The following DIP2C variants were observed in gnomAD, a reference collection of about 807,000 sequenced individuals.
The protein encoded by DIP2C is DIP2 acetate--CoA ligase C (putative).
In DIP2C, 33 loss-of-function variants were observed where a neutral mutation model predicts 192.4. The observed-to-expected ratio is 0.17, with a 90% CI of 0.13 to 0.23. The LOEUF (loss-of-function observed/expected upper bound fraction) is 0.23, where lower values mean the gene tolerates loss of function less well. Among genes scored for constraint, DIP2C ranks in the 10% least tolerant of loss-of-function variants. DIP2C has a pLI of 1.00. For missense variants in DIP2C, 1,537 were observed against 2,110.1 expected (o/e 0.73, Z 5.32); for synonymous variants, 979 against 864.1 (o/e 1.13, Z -2.33).
chr10:449,782 TAAAAA>T (rs59436219), intron 3 of DIP2C, among the ~76,000 whole-genome samples: 3 of 127,236 alleles, frequency 2.4e-5, no homozygotes, highest in African/African-American at 5.7e-5. Flanking sequence ...AAAGTATAAT[TAAAAA>T]AAAAAAAAAA....
At chr10:502,356 C>CT (rs1378072725) in intron 1 of DIP2C, among the ~76,000 whole-genome samples, 1 of 152,128 alleles carries the variant, frequency 6.6e-6, no homozygotes, top group African/African-American at 2.4e-5. Context: ...AAGGAAAATA[C>CT]TTTTCAAGTG....
rs1006692335 is a variant in DIP2C at position 415,866 on chromosome 10, C to T, written c.762G>A (p.Val254=). Residue 254 remains valine (V), a synonymous_variant, in exon 7 of 37, where the codon GTG becomes GTA. Coordinates refer to ENST00000280886, the MANE Select transcript of DIP2C (RefSeq NM_014974.3). ...TGACAAGCTGCTGGATTTTTGCTGA[C>T]ACCCGGCTACTTACTGGTACTCCTG... ...TGDGVPVSSR[V]SAKIQQLVNT... is the part of the protein sequence containing the mutation. The T allele has an allele frequency of 4.3e-6, 7 of 1,613,676 alleles. No individual in the cohort carries two copies. The highest frequency in any genetic ancestry group is 5.9e-6 in the Non-Finnish European group (7 of 1,179,982).
chr10:608,815 T>G (rs566347059), intron 1 of DIP2C, among the ~76,000 whole-genome samples: 1 of 149,006 alleles, frequency 6.7e-6, no homozygotes, highest in African/African-American at 2.5e-5. Context: ...TCCAACCCAT[T>G]GCTTAGTCTT....
At chr10:464,171 T>TG (rs766467354) in intron 3 of DIP2C, among the ~76,000 whole-genome samples, 3 of 152,172 alleles carry the variant, frequency 2.0e-5, no homozygotes, top group Non-Finnish European at 2.9e-5. Flanking sequence ...AAAGTGCTTC[T>TG]GCACAGCAAA....
At chr10:556,465 G>A (rs2130971934) in intron 1 of DIP2C, among the ~76,000 whole-genome samples, 1 of 147,948 alleles carries the variant, frequency 6.8e-6, no homozygotes, top group East Asian at 2.1e-4. Flanking sequence ...CCAAGAGGGG[G>A]ATCCACACGC....
At chr10:404,721 C>T (rs1204540015) in intron 9 of DIP2C, among the ~76,000 whole-genome samples, 3 of 152,162 alleles carry the variant, frequency 2.0e-5, no homozygotes, top group Non-Finnish European at 4.4e-5. Flanking sequence ...GTTGTAGATT[C>T]TATGAATATA....
At chr10:541,493 A>C (rs1307307898) in intron 1 of DIP2C, among the ~76,000 whole-genome samples, 1 of 96,240 alleles carries the variant, frequency 1.0e-5, no homozygotes, top group Admixed American at 1.5e-4. Context: ...TCTCTCCTGG[A>C]TCCCACAGCA....
chr10:389,788 T>C (rs1340154555), intron 13 of DIP2C, among the ~76,000 whole-genome samples: 2 of 152,246 alleles, frequency 1.3e-5, no homozygotes, highest in Non-Finnish European at 2.9e-5. Context: ...CGGACATAAA[T>C]GTCTGCTGTT....
At chr10:446,567 GT>G (rs1037037376) in intron 3 of DIP2C, among the ~76,000 whole-genome samples, 1 of 152,208 alleles carries the variant, frequency 6.6e-6, no homozygotes, top group African/African-American at 2.4e-5. Flanking sequence ...GTGCCTTTTA[GT>G]TCTCCTGACT....
chr10:420,842 AGCAGCCTCT>A (rs1966134741), intron 5 of DIP2C, among the ~76,000 whole-genome samples: 1 of 152,298 alleles, frequency 6.6e-6, no homozygotes, highest in East Asian at 1.9e-4. Flanking sequence ...CTCGGACACA[AGCAGCCTCT>A]GCAGCCTCCA....
chr10:666,469 C>G lies in DIP2C; in HGVS notation c.85+23025G>C, dbSNP rs1457595369. The G allele has an allele frequency of 6.6e-6, 1 of 152,458 alleles. No homozygotes were observed. The highest frequency in any genetic ancestry group is 2.4e-5 in the African/African-American group (1 of 41,446). The allele number at this position is 152,458 out of a possible 1,614,324, so 9.4% of individuals were successfully genotyped here. ...GCCCGGCCCGCGGCAGCAGAATCAC[C>G]CAAGACTGAGATCCTGTGGCCTGAG... On this transcript the variant is annotated intron_variant, in intron 1 of 36. Coordinates refer to ENST00000280886, the MANE Select transcript of DIP2C (RefSeq NM_014974.3). This position sits in a 1 kb window ranked among gnomAD's most constrained non-coding sequence, Gnocchi z 4.1.
Position 419,095 on chromosome 10 carries a change from C to G in DIP2C, c.709G>C (p.Gly237Arg). Residue 237 changes from glycine (G) to arginine (R), a missense_variant, in exon 6 of 37, where the codon GGC becomes CGC. This residue lies in a region of DIP2C where 473 missense variants were observed against 539.6 expected (regional missense o/e 0.88). Coordinates refer to ENST00000280886, the MANE Select transcript of DIP2C (RefSeq NM_014974.3). Reference sequence around the variant, plus strand: ...CCGGTCTCCATGAGCTCGGCGTTGCCGTACTTGGGCGCTGTCCGGGACCCC... The same window carrying G: ...CCGGTCTCCATGAGCTCGGCGTTGCGGTACTTGGGCGCTGTCCGGGACCCC... ...STGSRTAPKY[G>R]NAELMETGDG... The G allele has an allele frequency of 1.2e-6, 2 of 1,614,278 alleles. No individual in the cohort carries two copies. The highest frequency in any genetic ancestry group is 1.7e-6 in the Non-Finnish European group (2 of 1,180,048).
intron 1 of DIP2C, among the ~76,000 whole-genome samples, chr10:542,775 A>AT (rs1001505649): frequency 1.3e-5 from 2 of 149,746 alleles, no homozygotes; most frequent in African/African-American, 5.0e-5. Context: ...GTCCCTCTCT[A>AT]TACCACAGGT....
intron 1 of DIP2C, among the ~76,000 whole-genome samples, chr10:580,473 C>T (rs775561367): frequency 9.2e-5 from 14 of 151,996 alleles, no homozygotes; most frequent in Non-Finnish European, 2.1e-4. Flanking sequence ...ATATGCAGTA[C>T]AGATACATGT....
intron 1 of DIP2C, among the ~76,000 whole-genome samples, chr10:557,038 G>C (rs1192139710): frequency 1.3e-5 from 2 of 152,250 alleles, no homozygotes; most frequent in Non-Finnish European, 1.5e-5. Flanking sequence ...CCACACGGCT[G>C]TGTGCTCCCT....
At chr10:686,250 T>C (rs1215483541) in intron 1 of DIP2C, among the ~76,000 whole-genome samples, 1 of 151,594 alleles carries the variant, frequency 6.6e-6, no homozygotes, top group Non-Finnish European at 1.5e-5. Context: ...CTCCCCACCC[T>C]CATGGCCTCC....
intron 1 of DIP2C, among the ~76,000 whole-genome samples, chr10:605,248 C>A (rs933383913): frequency 2.6e-5 from 4 of 152,186 alleles, no homozygotes; most frequent in African/African-American, 7.2e-5. Flanking sequence ...GGAACGGGGG[C>A]AGCAGAACTG....
chr10:324,285 G>T (rs557373479), intron 31 of DIP2C, among the ~76,000 whole-genome samples: 1 of 152,324 alleles, frequency 6.6e-6, no homozygotes, highest in African/African-American at 2.4e-5. Context: ...GCCCCTTCAA[G>T]TCTGGGGCCC....
chr10:660,642 C>A (rs1360080470), intron 1 of DIP2C, among the ~76,000 whole-genome samples: 1 of 152,184 alleles, frequency 6.6e-6, no homozygotes, highest in South Asian at 2.1e-4. Flanking sequence ...TTTTCAAGGG[C>A]ACAATGAGGA....
Sources: gnomAD v4.1 joint callset for allele counts (sites outside exome capture counted in the v4.1 genomes callset) on GRCh38, gnomAD v4.1.1 for gene constraint, gnomAD v4.1.1 regional missense constraint, Gnocchi (gnomAD v3.1) non-coding constraint, MANE v1.5 for transcripts, NCBI Gene and HGNC (gene_info 2026-07-23, HGNC 2026-07-21) for gene names.